R3HDM2: variants seen among roughly 807,000 people sequenced by gnomAD.
The protein encoded by R3HDM2 is R3H domain containing 2.
Under a neutral mutation model 124.5 loss-of-function variants are expected in R3HDM2, and 38 were observed. The observed-to-expected ratio is 0.31, with a 90% CI of 0.24 to 0.40. The LOEUF is 0.40. Ranked by LOEUF, R3HDM2 falls within the 10% of genes least tolerant of loss-of-function variation. The pLI is 1.00. For synonymous variants in R3HDM2, 391 were observed against 448.0 expected, an observed-to-expected ratio of 0.87 and a Z score of 1.61; for missense variants, 869 against 1,236.9, an observed-to-expected ratio of 0.70 and a Z score of 4.46.
intron 2 of R3HDM2, among the ~76,000 whole-genome samples, chr12:57,334,490 G>T (rs193210900): frequency 2.0e-4 from 29 of 147,350 alleles, no homozygotes; most frequent in Non-Finnish European, 3.6e-4. Context: ...TTTTTTTTTT[G>T]AAATAAAGCA....
intron 2 of R3HDM2, among the ~76,000 whole-genome samples, chr12:57,380,384 T>C (rs188137174): frequency 6.6e-6 from 1 of 152,272 alleles, no homozygotes; most frequent in East Asian, 1.9e-4. Context: ...ATGACACTAA[T>C]ATTACACAAA....
intron 2 of R3HDM2, among the ~76,000 whole-genome samples, chr12:57,316,584 T>C (rs2055076392): frequency 2.1e-5 from 1 of 48,096 alleles, no homozygotes. Context: ...CATCCATCCT[T>C]TTTTTTTTTT....
chr12:57,428,527 C>A (rs1194893510), intron 1 of R3HDM2, among the ~76,000 whole-genome samples: 1 of 142,592 alleles, frequency 7.0e-6, no homozygotes, highest in Admixed American at 7.0e-5. Context: ...GGTGGGGGGG[C>A]ACCTGTAGTC....
At chr12:57,302,356 G>C (rs2138765175) in intron 4 of R3HDM2, among the ~76,000 whole-genome samples, 1 of 151,912 alleles carries the variant, frequency 6.6e-6, no homozygotes, top group South Asian at 2.1e-4. Flanking sequence ...GGCTGAGACG[G>C]GTGGATCACC....
intron 2 of R3HDM2, among the ~76,000 whole-genome samples, chr12:57,322,071 T>C (rs1162889727): frequency 6.6e-6 from 1 of 151,986 alleles, no homozygotes; most frequent in Non-Finnish European, 1.5e-5. Flanking sequence ...TACTAAAAAA[T>C]ACAAAAATTA....
At chr12:57,329,184 G>A (rs2057755705) in intron 2 of R3HDM2, among the ~76,000 whole-genome samples, 1 of 152,116 alleles carries the variant, frequency 6.6e-6, no homozygotes. Context: ...GGATATAAGG[G>A]TATACCACCC....
chr12:57,339,836 A>C (rs2059346333), intron 2 of R3HDM2, among the ~76,000 whole-genome samples: 1 of 152,180 alleles, frequency 6.6e-6, no homozygotes, highest in South Asian at 2.1e-4. Context: ...GTGTCCTTCC[A>C]ACATATATAT....
At chr12:57,384,005 T>C (rs377138841) in intron 2 of R3HDM2, among the ~76,000 whole-genome samples, 58 of 152,256 alleles carry the variant, frequency 3.8e-4, no homozygotes, top group Non-Finnish European at 7.1e-4. Flanking sequence ...TTGGAAAGGC[T>C]TCAGAAGGAG....
chr12:57,395,409 C>T (rs546302577), intron 2 of R3HDM2, among the ~76,000 whole-genome samples: 41 of 151,972 alleles, frequency 2.7e-4, no homozygotes, highest in African/African-American at 9.2e-4. Flanking sequence ...GAAGCTGAGG[C>T]GGGAGAATCG....
Position 57,305,141 on chromosome 12 carries a change from C to T in R3HDM2, c.166-1924G>A, listed in dbSNP as rs180853087. ...TGGAGGTTGCAGTGAGCTGAGATTG[C>T]GCCACTGCACTCCAGCCTGAGCAAC... On this transcript the variant is annotated intron_variant, in intron 3 of 23. Transcript: ENST00000402412. 2.2e-3 allele frequency among the ~76,000 whole-genome samples: 338 copies of T among 152,112 alleles called. 3 individuals carry two copies. Among genetic ancestry groups the T allele is most frequent in the Middle Eastern group, 0.017 (5 of 294 alleles).
At position 57,391,791 on chromosome 12, in the gene R3HDM2, A is replaced by G. The variant is rs189483306; in HGVS notation, c.-36+3958T>C. On this transcript the variant is annotated intron_variant, in intron 2 of 23. Coordinates refer to ENST00000402412, the MANE Select transcript of R3HDM2 (RefSeq NM_001394031.1). ...AAAAGTTAAAATAAATAACTGATAAATGATACAAATTATAGAATCTGTAAA... is the reference window on the plus strand; with the variant it reads ...AAAAGTTAAAATAAATAACTGATAAGTGATACAAATTATAGAATCTGTAAA... 1.1e-3 allele frequency among the ~76,000 whole-genome samples: 167 copies of G among 152,382 alleles called. 1 individual carries two copies. Among genetic ancestry groups the G allele is most frequent in the African/African-American group, 3.9e-3 (161 of 41,598 alleles).
chr12:57,347,288 G>A (rs919104686), intron 2 of R3HDM2, among the ~76,000 whole-genome samples: 1 of 152,100 alleles, frequency 6.6e-6, no homozygotes, highest in South Asian at 2.1e-4. Context: ...GCACACATGT[G>A]TACATGTACC....
intron 1 of R3HDM2, among the ~76,000 whole-genome samples, chr12:57,414,443 T>C (rs1296417994): frequency 8.0e-6 from 1 of 124,374 alleles, no homozygotes; most frequent in African/African-American, 3.2e-5. Context: ...TAAGCTGAGA[T>C]CACATCACTG....
chr12:57,423,982 C>T (rs2070456148), intron 1 of R3HDM2, among the ~76,000 whole-genome samples: 1 of 149,978 alleles, frequency 6.7e-6, no homozygotes, highest in African/African-American at 2.5e-5. Flanking sequence ...GGTGTGGTGG[C>T]ACATGCCTGT....
intron 21 of R3HDM2, 121 bp downstream of exon 21, chr12:57,257,869 C>T: frequency 9.0e-7 from 1 of 1,110,148 alleles, no homozygotes; most frequent in Non-Finnish European, 1.2e-6. Context: ...GAAGAGTTAA[C>T]TCCCAGAATT....
At position 57,310,245 on chromosome 12, in the gene R3HDM2, AT is replaced by A; in HGVS notation, c.165+18del. ...AGGAAAAAAAAAAAGTGTGCATACAATGCATTTCCAATCGTTACCTGTGTCT... is the reference window on the plus strand; with the variant it reads ...AGGAAAAAAAAAAAGTGTGCATACAAGCATTTCCAATCGTTACCTGTGTCT... On this transcript the variant is annotated intron_variant, in intron 3 of 23. Coordinates refer to ENST00000402412, the MANE Select transcript of R3HDM2 (RefSeq NM_001394031.1). 1.3e-6 allele frequency: 2 copies of A among 1,501,614 alleles called. No individual in the cohort carries two copies. The highest frequency in any genetic ancestry group is 1.7e-4 in the Middle Eastern group (1 of 5,764). 93.0% of individuals were successfully genotyped at this position (1,501,614 alleles called of 1,614,324 possible).
At chr12:57,402,222 G>A (rs2068104447) in intron 1 of R3HDM2, among the ~76,000 whole-genome samples, 1 of 151,412 alleles carries the variant, frequency 6.6e-6, no homozygotes, top group African/African-American at 2.4e-5. Flanking sequence ...CTGAATCCGA[G>A]AGGCAGAGGT....
At chr12:57,373,224 GGCGCGGTGGCTCAC>G (rs1233037304) in intron 2 of R3HDM2, among the ~76,000 whole-genome samples, 6 of 152,224 alleles carry the variant, frequency 3.9e-5, no homozygotes, top group Admixed American at 6.5e-5. Context: ...TAACAAGCCG[GGCGCGGTGGCTCAC>G]GCCTGTAATC....
At position 57,310,257 on chromosome 12, in the gene R3HDM2, T is replaced by C; in HGVS notation, c.165+7A>G. On this transcript the variant is annotated splice_region_variant and intron_variant, in intron 3 of 23. Transcript: ENST00000402412. ...AAGTGTGCATACAATGCATTTCCAA[T>C]CGTTACCTGTGTCTCCTGACGCAAA... The C allele has an allele frequency of 6.6e-7, 1 of 1,517,724 alleles. No individual in the cohort carries two copies. Among genetic ancestry groups the C allele is most frequent in the African/African-American group, 1.4e-5 (1 of 70,552 alleles). 94.0% of individuals were successfully genotyped at this position (1,517,724 alleles called of 1,614,324 possible).
Sources: allele counts gnomAD v4.1 joint callset (sites outside exome capture counted in the v4.1 genomes callset), GRCh38; gene constraint gnomAD v4.1.1; transcripts MANE v1.5; gene names NCBI Gene and HGNC (gene_info 2026-07-23, HGNC 2026-07-21).